RIPPLY3: variants seen among roughly 807,000 people sequenced by gnomAD.
The protein encoded by RIPPLY3 is protein ripply3.
In RIPPLY3, 8 loss-of-function variants were observed where a neutral mutation model predicts 11.9. The ratio of observed to expected loss-of-function variants is 0.67; its 90% CI spans 0.40 to 1.21. The LOEUF is 1.21. Among genes scored for constraint, RIPPLY3 ranks in the 50% most tolerant of loss-of-function variants. The probability of loss-of-function intolerance (pLI) is 0.01; values close to 1 mark genes in which losing one functional copy is unlikely to be tolerated. For missense variants in RIPPLY3, 271 were observed against 246.0 expected (o/e 1.10, Z -0.68); for synonymous variants, 102 against 99.0 (o/e 1.03, Z -0.18).
In RIPPLY3 at chr21:37,017,928, A is replaced by G; in HGVS notation, c.294A>G (p.Gln98=). 2 of 1,614,158 alleles carry G rather than the reference A, an allele frequency of 1.2e-6. No homozygotes were observed. Among genetic ancestry groups the G allele is most frequent in the Non-Finnish European group, 8.5e-7 (1 of 1,180,036 alleles). The stretch of plus-strand genomic sequence containing the variant: ...AATACCTGCGGAGTTCCGGGGAGCA[A>G]GTACTGGCCAGTTTCCCAGTGCAAG... ...RQEYLRSSGE[Q]VLASFPVQAT... The change falls in exon 4 of 4, where the codon CAA becomes CAG. Residue 98 remains glutamine, a synonymous_variant. Transcript: ENST00000329553.
Position 37,006,707 on chromosome 21 carries a change from C to A in RIPPLY3, c.-66C>A, listed in dbSNP as rs1471654097. ...GCGCGCGGGTAGGTGAGCGCGTTAG[C>A]CCGAGTGGATCTAGGCGCGCTCGTA... On this transcript the variant is annotated 5_prime_UTR_variant, in exon 1 of 4. Transcript: ENST00000329553. The surrounding 1 kb of genome is among the most constrained non-coding windows in gnomAD (Gnocchi z 5.2). 9.5e-7 allele frequency: 1 copy of A among 1,053,930 alleles called. No individual in the cohort carries two copies. Among genetic ancestry groups the A allele is most frequent in the Non-Finnish European group, 1.2e-6 (1 of 829,390 alleles). 65.3% of individuals were successfully genotyped at this position (1,053,930 alleles called of 1,614,324 possible).
intron 3 of RIPPLY3, among the ~76,000 whole-genome samples, chr21:37,015,613 T>C (rs187611270): frequency 1.3e-5 from 2 of 152,360 alleles, no homozygotes; most frequent in Non-Finnish European, 2.9e-5. Context: ...AATAGTACAG[T>C]GAACCCCATG....
At chr21:37,016,948 G>A (rs1300580995) in intron 3 of RIPPLY3, among the ~76,000 whole-genome samples, 1 of 152,116 alleles carries the variant, frequency 6.6e-6, no homozygotes, top group Non-Finnish European at 1.5e-5. Context: ...TTGAGGTCAG[G>A]AGTTCGAGAC....
Position 37,018,202 on chromosome 21 carries a change from A to G in RIPPLY3, c.568A>G (p.Lys190Glu). 6.2e-7 allele frequency: 1 copy of G among 1,612,452 alleles called. No homozygotes were observed. Among genetic ancestry groups the G allele is most frequent in the South Asian group, 1.1e-5 (1 of 91,044 alleles). The change falls in exon 4 of 4, where the codon AAA becomes GAA. Residue 190 changes from lysine to glutamate, a missense_variant. Coordinates refer to ENST00000329553, the MANE Select transcript of RIPPLY3 (RefSeq NM_018962.3). ...SSRGGKCSSS[K>E] Reference sequence around the variant, plus strand: ...AAGGGGTGGCAAGTGCTCCTCATCCAAATGAATCAGTCTCTGTCTCCTGGG... The same window carrying G: ...AAGGGGTGGCAAGTGCTCCTCATCCGAATGAATCAGTCTCTGTCTCCTGGG...
At chr21:37,007,905 G>A (rs2069482036) in intron 1 of RIPPLY3, among the ~76,000 whole-genome samples, 2 of 152,344 alleles carry the variant, frequency 1.3e-5, no homozygotes, top group Non-Finnish European at 1.5e-5. Flanking sequence ...TGGGTTCCCT[G>A]ATAATTGTGT....
intron 3 of RIPPLY3, among the ~76,000 whole-genome samples, chr21:37,016,145 TTCTG>T (rs1352251707): frequency 7.5e-4 from 114 of 152,228 alleles, no homozygotes; most frequent in Non-Finnish European, 1.6e-4. Context: ...AACATACACA[TTCTG>T]TCTGCTGCAG....
intron 2 of RIPPLY3, among the ~76,000 whole-genome samples, chr21:37,010,455 T>C (rs1218839106): frequency 6.6e-6 from 1 of 152,050 alleles, no homozygotes; most frequent in Non-Finnish European, 1.5e-5. Context: ...ATCGGGACAC[T>C]GCATTCCAGC....
intron 2 of RIPPLY3, among the ~76,000 whole-genome samples, chr21:37,010,914 A>G (rs1010650179): frequency 6.6e-6 from 1 of 152,230 alleles, no homozygotes; most frequent in African/African-American, 2.4e-5. Flanking sequence ...CTCGTGTTTC[A>G]TTATAAAATG....
chr21:37,011,810 G>A (rs1263375763), intron 2 of RIPPLY3, among the ~76,000 whole-genome samples: 1 of 151,588 alleles, frequency 6.6e-6, no homozygotes, highest in African/African-American at 2.4e-5. Context: ...AAAATTAGCC[G>A]GGCGTGGTGG....
intron 3 of RIPPLY3, among the ~76,000 whole-genome samples, chr21:37,014,373 C>A (rs562018248): frequency 6.6e-6 from 1 of 152,040 alleles, no homozygotes; most frequent in Non-Finnish European, 1.5e-5. Flanking sequence ...CAGTGGGTGC[C>A]GTGCACCTTT....
upstream of RIPPLY3, chr21:37,006,679 C>T (rs886419232): frequency 6.1e-6 from 5 of 826,108 alleles, no homozygotes; most frequent in Admixed American, 4.5e-5. The surrounding 1 kb of genome is among the most constrained non-coding windows in gnomAD (Gnocchi z 5.2). Flanking sequence ...GTTTTTAAAC[C>T]TGGCGCGCGG....
intron 2 of RIPPLY3, among the ~76,000 whole-genome samples, chr21:37,009,070 T>A (rs1569285596): frequency 6.6e-6 from 1 of 152,124 alleles, no homozygotes; most frequent in Non-Finnish European, 1.5e-5. Flanking sequence ...GCAAATACAC[T>A]CAAGCAGAGG....
At chr21:37,008,486 G>T (rs999753562) in intron 2 of RIPPLY3, among the ~76,000 whole-genome samples, 1 of 152,088 alleles carries the variant, frequency 6.6e-6, no homozygotes. Flanking sequence ...GGCTGGGCGC[G>T]GTGGCTCGGG....
intron 3 of RIPPLY3, among the ~76,000 whole-genome samples, chr21:37,015,006 G>A (rs1180083147): frequency 1.3e-5 from 2 of 152,120 alleles, no homozygotes; most frequent in African/African-American, 4.8e-5. Context: ...GGGATTACAG[G>A]CATGAGCCAT....
intron 2 of RIPPLY3, 124 bp downstream of exon 2, chr21:37,008,347 C>G (rs1416480793): frequency 2.1e-6 from 2 of 944,634 alleles, no homozygotes; most frequent in Non-Finnish European, 3.2e-6. Flanking sequence ...AACCCAGGAG[C>G]GCCTCGGGGT....
chr21:37,010,921 A>C (rs2069515036), intron 2 of RIPPLY3, among the ~76,000 whole-genome samples: 1 of 152,202 alleles, frequency 6.6e-6, no homozygotes, highest in Non-Finnish European at 1.5e-5. Flanking sequence ...TTCATTATAA[A>C]ATGTGAATAT....
At chr21:37,008,300 G>A in intron 2 of RIPPLY3, 77 bp downstream of exon 2, 2 of 1,494,522 alleles carry the variant, frequency 1.3e-6, no homozygotes, top group Non-Finnish European at 1.8e-6. Flanking sequence ...CAGGGACCGT[G>A]AATGGCCTTC....
chr21:37,011,878 G>A (rs2069525621), intron 2 of RIPPLY3, among the ~76,000 whole-genome samples: 2 of 135,662 alleles, frequency 1.5e-5, no homozygotes, highest in Non-Finnish European at 1.5e-5. Context: ...TCAGTGAGCC[G>A]AGATCGCACC....
At chr21:37,013,336 C>T (rs2069545698) in intron 2 of RIPPLY3, among the ~76,000 whole-genome samples, 1 of 152,186 alleles carries the variant, frequency 6.6e-6, no homozygotes, top group Admixed American at 6.5e-5. Flanking sequence ...GTGTCCAACT[C>T]CTTCCATCTG....
Sources: gnomAD v4.1 joint callset for allele counts (sites outside exome capture counted in the v4.1 genomes callset) on GRCh38, gnomAD v4.1.1 for gene constraint, Gnocchi (gnomAD v3.1) non-coding constraint, MANE v1.5 for transcripts, NCBI Gene and HGNC (gene_info 2026-07-23, HGNC 2026-07-21) for gene names.